Variants in GALK2 observed in about 807,000 individuals in gnomAD.
GALK2 encodes galactokinase 2.
In GALK2, 36 loss-of-function variants were observed where a neutral mutation model predicts 52.4. The observed-to-expected ratio is 0.69, with a 90% CI of 0.53 to 0.91. The LOEUF is 0.91. Among genes scored for constraint, GALK2 ranks in the 40% least tolerant of loss-of-function variants. The probability of loss-of-function intolerance (pLI) is 0.00; values close to 1 mark genes in which losing one functional copy is unlikely to be tolerated. For missense variants in GALK2, 579 were observed against 559.1 expected, an observed-to-expected ratio of 1.04 and a Z score of -0.36; for synonymous variants, 176 against 199.1, an observed-to-expected ratio of 0.88 and a Z score of 0.98.
At chr15:49,267,471 G>A (rs1199593316) in intron 5 of GALK2, among the ~76,000 whole-genome samples, 3 of 152,134 alleles carry the variant, frequency 2.0e-5, no homozygotes, top group Non-Finnish European at 4.4e-5. Context: ...GCAAAGAATC[G>A]TTGTCAAGGT....
At chr15:49,239,831 A>G (rs1449089504) in intron 5 of GALK2, among the ~76,000 whole-genome samples, 3 of 152,240 alleles carry the variant, frequency 2.0e-5, no homozygotes, top group African/African-American at 4.8e-5. Context: ...ACAAGACGAA[A>G]TGCTTATTTA....
chr15:49,167,770 G>T (rs2084869930), upstream of GALK2, among the ~76,000 whole-genome samples: 1 of 152,220 alleles, frequency 6.6e-6, no homozygotes, highest in Non-Finnish European at 1.5e-5. Flanking sequence ...TGTTGGAAAG[G>T]TTTAAAGAGA....
chr15:49,176,493 A>G (rs537435081), intron 1 of GALK2, among the ~76,000 whole-genome samples: 50 of 152,342 alleles, frequency 3.3e-4, no homozygotes, highest in Non-Finnish European at 7.1e-4. Context: ...TCAACGCATG[A>G]CAGAGATTTA....
At chr15:49,301,691 T>A (rs1312123047) in intron 8 of GALK2, among the ~76,000 whole-genome samples, 1 of 152,092 alleles carries the variant, frequency 6.6e-6, no homozygotes, top group East Asian at 1.9e-4. Flanking sequence ...CAAACTGCTC[T>A]GGGTTGGGGT....
At chr15:49,251,917 T>C (rs962962896) in intron 5 of GALK2, among the ~76,000 whole-genome samples, 1 of 152,228 alleles carries the variant, frequency 6.6e-6, no homozygotes, top group Admixed American at 6.5e-5. Flanking sequence ...CAATGTAATA[T>C]ATACATATGT....
Position 49,170,336 on chromosome 15 carries a change from G to T in GALK2, c.14G>T (p.Ser5Ile), listed in dbSNP as rs760667559. Residue 5 changes from serine (S) to isoleucine (I), a missense_variant, in exon 1 of 10, where the codon AGC (serine) becomes ATC (isoleucine). By Grantham distance (142) the Ser-to-Ile change is moderately radical. Coordinates refer to ENST00000560031, the MANE Select transcript of GALK2 (RefSeq NM_002044.4). MATESPATRRVQVAE... is the reference protein window; with the variant it reads MATEIPATRRVQVAE... ...ATCTAGCGAAATATGGCTACAGAGA[G>T]CCCTGCTACGCGTCGGGTCCAGGTG... 3.1e-6 allele frequency: 5 copies of T among 1,590,750 alleles called. No homozygotes were observed. The East Asian group carries it at 6.8e-5, about 22-fold the overall frequency.
chr15:49,220,292 C>T (rs2089703098), intron 3 of GALK2, among the ~76,000 whole-genome samples: 1 of 152,064 alleles, frequency 6.6e-6, no homozygotes, highest in Admixed American at 6.5e-5. Flanking sequence ...CCTCTATTAT[C>T]TATTATTCTA....
chr15:49,305,373 A>C (rs889449136), intron 8 of GALK2, among the ~76,000 whole-genome samples: 1 of 152,236 alleles, frequency 6.6e-6, no homozygotes, highest in African/African-American at 2.4e-5. Context: ...TATTCAGGGT[A>C]GAGACGCTCC....
chr15:49,362,506 T>C (rs140322364), intron 3 of GALK2, among the ~76,000 whole-genome samples: 85 of 152,328 alleles, frequency 5.6e-4, no homozygotes, highest in African/African-American at 2.0e-3. Context: ...AATACACTTA[T>C]AGATTCTGGA....
chr15:49,342,137 T>C (rs984911599), intron 3 of GALK2, among the ~76,000 whole-genome samples: 2 of 152,190 alleles, frequency 1.3e-5, no homozygotes, highest in African/African-American at 4.8e-5. Flanking sequence ...GGTGTTGAAG[T>C]TCCCCGTCCC....
chr15:49,179,726 A>G (rs765840948), intron 1 of GALK2, among the ~76,000 whole-genome samples: 20 of 150,988 alleles, frequency 1.3e-4, no homozygotes, highest in Non-Finnish European at 2.1e-4. Context: ...TTGTGCTGCA[A>G]TACTTTGGCC....
chr15:49,295,696 A>G (rs1406247455), intron 8 of GALK2, among the ~76,000 whole-genome samples: 1 of 152,138 alleles, frequency 6.6e-6, no homozygotes, highest in East Asian at 1.9e-4. Context: ...CATTCCACTT[A>G]CTAATTGGAA....
intron 7 of GALK2, among the ~76,000 whole-genome samples, chr15:49,285,222 T>A (rs2033208554): frequency 6.6e-6 from 1 of 152,360 alleles, no homozygotes; most frequent in South Asian, 2.1e-4. Flanking sequence ...TTGTTATTTC[T>A]TATCTTTCAA....
intron 7 of GALK2, among the ~76,000 whole-genome samples, chr15:49,288,455 A>G (rs1267161859): frequency 6.6e-6 from 1 of 152,120 alleles, no homozygotes; most frequent in Non-Finnish European, 1.5e-5. Flanking sequence ...AGCTCCTTTC[A>G]TTTAGTAGTT....
At chr15:49,276,857 T>G (rs1450335838) in intron 5 of GALK2, among the ~76,000 whole-genome samples, 1 of 151,148 alleles carries the variant, frequency 6.6e-6, no homozygotes, top group Non-Finnish European at 1.5e-5. Context: ...GCCTAATTTT[T>G]GTTTACCATC....
intron 1 of GALK2, among the ~76,000 whole-genome samples, chr15:49,173,278 C>T (rs921675665): frequency 6.6e-6 from 1 of 152,112 alleles, no homozygotes; most frequent in Non-Finnish European, 1.5e-5. Flanking sequence ...AAATAATATT[C>T]TAGCTTATGG....
chr15:49,343,132 T>C (rs2151242734), intron 3 of GALK2, among the ~76,000 whole-genome samples: 1 of 152,330 alleles, frequency 6.6e-6, no homozygotes, highest in East Asian at 1.9e-4. Flanking sequence ...CTGTGTTGTA[T>C]ACTTTTTCTC....
chr15:49,191,284 C>T (rs183818458), intron 1 of GALK2, among the ~76,000 whole-genome samples: 46 of 152,240 alleles, frequency 3.0e-4, no homozygotes, highest in African/African-American at 9.4e-4. Flanking sequence ...TTTATTGTTA[C>T]GCTGACTGAG....
In GALK2 at chr15:49,225,844, T is replaced by G. The variant is rs554406141; in HGVS notation, c.266+8531T>G. On this transcript the variant is annotated intron_variant, in intron 3 of 9. Transcript: ENST00000560031. Reference sequence around the variant, plus strand: ...GCACAGCACCAACTGTGCTGGGGGATTCCAACTGCTTCCAGACCTCTGAGA... The same window carrying G: ...GCACAGCACCAACTGTGCTGGGGGAGTCCAACTGCTTCCAGACCTCTGAGA... Among the ~76,000 whole-genome samples the G allele has an allele frequency of 2.6e-5, 4 of 152,348 alleles. No individual in the cohort carries two copies. The South Asian group carries it at 8.3e-4, about 32-fold the overall frequency.
Sources: gnomAD v4.1 joint callset for allele counts (sites outside exome capture counted in the v4.1 genomes callset) on GRCh38, gnomAD v4.1.1 for gene constraint, MANE v1.5 for transcripts, NCBI Gene and HGNC (gene_info 2026-07-23, HGNC 2026-07-21) for gene names.